Variants in SCHIP1 observed in about 807,000 individuals in gnomAD.
SCHIP1 encodes schwannomin interacting protein 1.
A neutral mutation model predicts 29.7 loss-of-function variants in SCHIP1; 8 were observed. The observed-to-expected ratio is 0.27, with a 90% CI of 0.16 to 0.49. SCHIP1 has a LOEUF of 0.49. Ranked by LOEUF, SCHIP1 falls within the 20% of genes least tolerant of loss-of-function variation. SCHIP1 has a pLI of 0.99. For synonymous variants in SCHIP1, 76 were observed against 94.9 expected (o/e 0.80, Z 1.16); for missense variants, 193 against 294.6 (o/e 0.66, Z 2.52).
the SCHIP1 span, among the ~76,000 whole-genome samples, chr3:159,561,383 C>A: frequency 6.6e-6 from 1 of 152,208 alleles, no homozygotes; most frequent in African/African-American, 2.4e-5. Context: ...TCCCATGAGA[C>A]TGGGATCTTT....
chr3:159,779,913 C>A, the SCHIP1 span, among the ~76,000 whole-genome samples: 17 of 152,260 alleles, frequency 1.1e-4, no homozygotes, highest in South Asian at 3.1e-3. Context: ...ACATGCTGTG[C>A]TGGAGGATGG....
the SCHIP1 span, among the ~76,000 whole-genome samples, chr3:159,664,958 C>G: frequency 1.3e-5 from 2 of 152,196 alleles, no homozygotes; most frequent in African/African-American, 4.8e-5. Flanking sequence ...GTGCTTTATA[C>G]AAGCCCTCTG....
chr3:159,604,638 A>G, the SCHIP1 span, among the ~76,000 whole-genome samples: 2 of 152,184 alleles, frequency 1.3e-5, no homozygotes, highest in African/African-American at 2.4e-5. Context: ...CCTTTCCACT[A>G]TGAACTAAAA....
At chr3:159,742,443 G>A in the SCHIP1 span, among the ~76,000 whole-genome samples, 2 of 152,242 alleles carry the variant, frequency 1.3e-5, no homozygotes, top group African/African-American at 2.4e-5. Flanking sequence ...TATAAGGCTC[G>A]TCCATCCATT....
chr3:159,505,757 T>G, the SCHIP1 span, among the ~76,000 whole-genome samples: 1 of 152,198 alleles, frequency 6.6e-6, no homozygotes, highest in Non-Finnish European at 1.5e-5. Flanking sequence ...TTGCTGAGAA[T>G]GATGGTTTCC....
At chr3:159,479,461 T>C in the SCHIP1 span, among the ~76,000 whole-genome samples, 4 of 152,188 alleles carry the variant, frequency 2.6e-5, no homozygotes, top group Non-Finnish European at 5.9e-5. Flanking sequence ...CTTTATGTCA[T>C]GAGTTTTGCA....
At chr3:159,469,794 C>T in the SCHIP1 span, among the ~76,000 whole-genome samples, 1 of 152,082 alleles carries the variant, frequency 6.6e-6, no homozygotes, top group Non-Finnish European at 1.5e-5. Context: ...CAGAACAAAT[C>T]ACATGAAAAA....
At chr3:159,410,318 ACAAT>A in the SCHIP1 span, among the ~76,000 whole-genome samples, 1 of 152,166 alleles carries the variant, frequency 6.6e-6, no homozygotes, top group African/African-American at 2.4e-5. Context: ...AGCAAAGGAA[ACAAT>A]CAACAAAGTG....
At chr3:159,796,443 G>C in the SCHIP1 span, among the ~76,000 whole-genome samples, 1 of 152,124 alleles carries the variant, frequency 6.6e-6, no homozygotes, top group Admixed American at 6.6e-5. Flanking sequence ...TGTGCTGCTT[G>C]CAAGGGAGAC....
chr3:159,490,099 T>G, the SCHIP1 span, among the ~76,000 whole-genome samples: 1 of 152,300 alleles, frequency 6.6e-6, no homozygotes, highest in Admixed American at 6.5e-5. Context: ...TGATTTTGTT[T>G]TGTAATTTAT....
the SCHIP1 span, among the ~76,000 whole-genome samples, chr3:159,525,294 T>C: frequency 6.6e-6 from 1 of 152,250 alleles, no homozygotes; most frequent in East Asian, 1.9e-4. Context: ...ATGTGAGTTG[T>C]ACAAGGACAA....
At chr3:159,821,177 T>C in the SCHIP1 span, among the ~76,000 whole-genome samples, 1 of 152,010 alleles carries the variant, frequency 6.6e-6, no homozygotes, top group Non-Finnish European at 1.5e-5. Flanking sequence ...TAGATCTAGT[T>C]GAGGAAGATT....
At chr3:159,456,249 G>A in the SCHIP1 span, among the ~76,000 whole-genome samples, 1 of 152,012 alleles carries the variant, frequency 6.6e-6, no homozygotes, top group African/African-American at 2.4e-5. Context: ...TGAATATTAT[G>A]GAACTTAAGT....
intron 1 of SCHIP1, among the ~76,000 whole-genome samples, chr3:159,865,823 G>A (rs1480710330): frequency 2.6e-5 from 4 of 152,198 alleles, no homozygotes; most frequent in Non-Finnish European, 2.9e-5. Flanking sequence ...TTTGATTCAG[G>A]AGAAAGTACT....
the SCHIP1 span, among the ~76,000 whole-genome samples, chr3:159,520,488 C>T: frequency 2.0e-5 from 3 of 152,326 alleles, no homozygotes; most frequent in South Asian, 6.2e-4. Context: ...TCTAGCATTA[C>T]ACGCGCAGAT....
the SCHIP1 span, chr3:159,274,100 T>C: frequency 2.0e-6 from 2 of 985,136 alleles, no homozygotes; most frequent in African/African-American, 3.5e-5. Context: ...TTTGGTGCTT[T>C]GAATTTTGAG....
the SCHIP1 span, among the ~76,000 whole-genome samples, chr3:159,478,523 C>CAA: frequency 6.6e-6 from 1 of 152,028 alleles, no homozygotes; most frequent in African/African-American, 2.4e-5. Flanking sequence ...ACAATGACTC[C>CAA]AGGTTTGTTC....
At chr3:159,316,189 T>A in the SCHIP1 span, among the ~76,000 whole-genome samples, 1 of 152,062 alleles carries the variant, frequency 6.6e-6, no homozygotes, top group Non-Finnish European at 1.5e-5. Flanking sequence ...TAATAGGATA[T>A]ATATATATAT....
At chr3:159,743,705 C>T in the SCHIP1 span, among the ~76,000 whole-genome samples, 2 of 152,070 alleles carry the variant, frequency 1.3e-5, no homozygotes, top group Admixed American at 6.6e-5. Flanking sequence ...TGACCATGAA[C>T]GGCAACATAA....
Sources: gnomAD v4.1 joint callset for allele counts (sites outside exome capture counted in the v4.1 genomes callset) on GRCh38, gnomAD v4.1.1 for gene constraint, MANE v1.5 for transcripts, NCBI Gene and HGNC (gene_info 2026-07-23, HGNC 2026-07-21) for gene names.